Variants in MYBPC3 observed in about 807,000 individuals in gnomAD.
MYBPC3 encodes myosin-binding protein C, cardiac-type.
MYBPC3 carries 108 observed loss-of-function variants against 159.3 expected under a neutral mutation model. The observed-to-expected ratio is 0.68, with a 90% CI of 0.58 to 0.80. The LOEUF (loss-of-function observed/expected upper bound fraction) is 0.80. Among genes scored for constraint, MYBPC3 ranks in the 30% least tolerant of loss-of-function variants. MYBPC3 has a pLI of 0.00. For synonymous variants in MYBPC3, 730 were observed against 702.0 expected (o/e 1.04, Z -0.63); for missense variants, 1,631 against 1,762.1 (o/e 0.93, Z 1.33).
At chr11:47,347,147 C>G in intron 9 of MYBPC3, 118 bp from the exon 10 acceptor site, 1 of 1,413,172 alleles carries the variant, frequency 7.1e-7, no homozygotes, top group Non-Finnish European at 9.4e-7. Context: ...GGGACCCTCT[C>G]TCTGTTCCTT....
chr11:47,336,862 G>T (rs568021422), intron 25 of MYBPC3, among the ~76,000 whole-genome samples: 1 of 152,184 alleles, frequency 6.6e-6, no homozygotes, highest in Non-Finnish European at 1.5e-5. Context: ...TTGGCCCCCC[G>T]GGGACCATGG....
At position 47,331,689 on chromosome 11, in the gene MYBPC3, C is replaced by T; in HGVS notation, c.*54G>A. 1.3e-6 allele frequency: 1 copy of T among 774,798 alleles called. No homozygotes were observed. The highest frequency in any genetic ancestry group is 1.9e-5 in the South Asian group (1 of 52,432). 48.0% of individuals were successfully genotyped at this position (774,798 alleles called of 1,614,324 possible). ...GTTTCCCCAACTTCCCTCCAGGCTC[C>T]TGGCACGGGGCTGGCATCCGGTTGT... On this transcript the variant is annotated 3_prime_UTR_variant, in exon 35 of 35. Transcript: ENST00000545968.
intron 18 of MYBPC3, among the ~76,000 whole-genome samples, chr11:47,341,688 C>T (rs530636348): frequency 2.0e-4 from 30 of 152,326 alleles, no homozygotes; most frequent in African/African-American, 6.5e-4. Context: ...GTGTCTCTCC[C>T]TGCTGCCTCT....
At chr11:47,335,236 C>A in intron 26 of MYBPC3, 27 bp from the exon 27 acceptor site, 2 of 1,556,938 alleles carry the variant, frequency 1.3e-6, no homozygotes, top group Admixed American at 1.8e-5. Context: ...GGAGGCAAGG[C>A]CACAGGCTGT....
Position 47,332,024 on chromosome 11 carries a change from C to T in MYBPC3, c.3814+48G>A, listed in dbSNP as rs748417652. ...GGAGCAAAGCCCAGGGTCCCCACTGCCGCCCGCTCTTCCCATCTCCCAGGC... is the reference window on the plus strand; with the variant it reads ...GGAGCAAAGCCCAGGGTCCCCACTGTCGCCCGCTCTTCCCATCTCCCAGGC... On this transcript the variant is annotated intron_variant, in intron 33 of 34. Coordinates refer to ENST00000545968, the MANE Select transcript of MYBPC3 (RefSeq NM_000256.3). The surrounding 1 kb of genome is among the most constrained non-coding windows in gnomAD (Gnocchi z 4.2). 11 of 1,598,996 alleles carry T rather than the reference C, an allele frequency of 6.9e-6. No individual in the cohort carries two copies. The highest frequency in any genetic ancestry group is 8.5e-6 in the Non-Finnish European group (10 of 1,171,762).
At position 47,345,205 on chromosome 11, in the gene MYBPC3, G is replaced by C. The variant is rs2095892955; in HGVS notation, c.1090+1002C>G. ...CCTCCTTGGGCACCTACAGTCCTTTGCTTGGTGCCCTCTGGGCTCAGCAGT... is the reference window on the plus strand; with the variant it reads ...CCTCCTTGGGCACCTACAGTCCTTTCCTTGGTGCCCTCTGGGCTCAGCAGT... On this transcript the variant is annotated intron_variant, in intron 12 of 34. Transcript: ENST00000545968. Among the ~76,000 whole-genome samples the C allele has an allele frequency of 1.3e-5, 2 of 152,200 alleles. 1 individual carries two copies. Among genetic ancestry groups the C allele is most frequent in the South Asian group, 4.1e-4 (2 of 4,826 alleles).
At chr11:47,339,052 G>GGTCAAA (rs1392623579) in intron 22 of MYBPC3, among the ~76,000 whole-genome samples, 3 of 152,208 alleles carry the variant, frequency 2.0e-5, no homozygotes, top group Non-Finnish European at 2.9e-5. Context: ...TCAAGGTCAA[G>GGTCAAA]GTCAGCTTAG....
At chr11:47,342,551 C>T in intron 17 of MYBPC3, 27 bp downstream of exon 17, 3 of 1,544,298 alleles carry the variant, frequency 1.9e-6, no homozygotes, top group East Asian at 4.6e-5. Context: ...GCCCTAAAGC[C>T]TCATGTGCCC....
Position 47,347,684 on chromosome 11 carries a change from T to A in MYBPC3, c.822-4A>T. 1.3e-6 allele frequency: 2 copies of A among 1,571,144 alleles called. No homozygotes were observed. Among genetic ancestry groups the A allele is most frequent in the Non-Finnish European group, 1.7e-6 (2 of 1,158,416 alleles). ...CCGACCACCTCCAGCCAGGCTCCTG[T>A]GGGGGTTAGACTCAGTATCCTCACC... On this transcript the variant is annotated splice_polypyrimidine_tract_variant and splice_region_variant and intron_variant, in intron 7 of 34. Coordinates refer to ENST00000545968, the MANE Select transcript of MYBPC3 (RefSeq NM_000256.3).
chr11:47,347,789 A>AG, intron 7 of MYBPC3, 68 bp downstream of exon 7: 1 of 1,546,924 alleles, frequency 6.5e-7, no homozygotes, highest in Non-Finnish European at 8.7e-7. Context: ...CCTGACCCCC[A>AG]GTCGAGACCC....
chr11:47,333,900 C>G (rs1391084781), intron 28 of MYBPC3, 22 bp downstream of exon 28: 1 of 1,561,454 alleles, frequency 6.4e-7, no homozygotes, highest in Non-Finnish European at 8.7e-7. Context: ...CCCTGGGGGA[C>G]AGGGAAGGGG....
In MYBPC3 at chr11:47,338,793, G is replaced by T; in HGVS notation, c.2149-114C>A. The T allele has an allele frequency of 8.0e-7, 1 of 1,252,946 alleles. No homozygotes were observed. Among genetic ancestry groups the T allele is most frequent in the Non-Finnish European group, 1.1e-6 (1 of 925,868 alleles). The allele number at this position is 1,252,946 out of a possible 1,614,324, so 77.6% of individuals were successfully genotyped here. A position where few individuals can be genotyped will look rare whatever the true frequency, so the allele number is the denominator to read the frequency against. On this transcript the variant is annotated intron_variant, in intron 22 of 34. Coordinates refer to ENST00000545968, the MANE Select transcript of MYBPC3 (RefSeq NM_000256.3). This position sits in a 1 kb window ranked among gnomAD's most constrained non-coding sequence, Gnocchi z 4.7. ...ATGGGGGGAACACAGCCTGTGGGAA[G>T]ACTGCATCCACGTCAGCATCTAGTT...
rs727504418 is a variant in MYBPC3 at position 47,335,943 on chromosome 11, G to T, written c.2671C>A (p.Arg891=). ...CCTGCTCCCACGCGCTCTGGGGGCC[G>T]CCACTTGAGGGAGACCGTGGTGTCA... ...VSDTTVSLKW[R]PPERVGAGGL... Residue 891 remains arginine (R), a synonymous_variant, in exon 26 of 35, where the codon CGG becomes AGG. Transcript: ENST00000545968. 6.4e-7 allele frequency: 1 copy of T among 1,564,260 alleles called. No homozygotes were observed. The highest frequency in any genetic ancestry group is 8.7e-7 in the Non-Finnish European group (1 of 1,155,626).
Position 47,331,657 on chromosome 11 carries a change from G to A in MYBPC3, c.*86C>T. The A allele has an allele frequency of 1.6e-6, 1 of 609,222 alleles. No homozygotes were observed. Among genetic ancestry groups the A allele is most frequent in the Non-Finnish European group, 2.9e-6 (1 of 349,108 alleles). 37.7% of individuals were successfully genotyped at this position (609,222 alleles called of 1,614,324 possible). On this transcript the variant is annotated 3_prime_UTR_variant, in exon 35 of 35. Transcript: ENST00000545968. ...CTTGTCACACATACATCCAACAGTA[G>A]GGAGGGGTTTCCCCAACTTCCCTCC...
In MYBPC3 at chr11:47,339,368, G is replaced by A. The variant is rs2142857317; in HGVS notation, c.2104C>T (p.Pro702Ser). The A allele has an allele frequency of 6.2e-7, 1 of 1,614,010 alleles. No individual in the cohort carries two copies. Among genetic ancestry groups the A allele is most frequent in the Non-Finnish European group, 8.5e-7 (1 of 1,179,886 alleles). The change falls in exon 22 of 35, where the codon CCA (proline) becomes TCA (serine). Residue 702 changes from proline to serine, a missense_variant. Coordinates refer to ENST00000545968, the MANE Select transcript of MYBPC3 (RefSeq NM_000256.3). ...TCATCGCTGTCACCTGTGTCCTCTGGGGCATCTGGGGCTGGCCTGGCTGGG... is the reference window on the plus strand; with the variant it reads ...TCATCGCTGTCACCTGTGTCCTCTGAGGCATCTGGGGCTGGCCTGGCTGGG... Reference protein sequence around the residue: ...KAPARPAPDAPEDTGDSDEWV... With the variant: ...KAPARPAPDASEDTGDSDEWV...
Position 47,332,106 on chromosome 11 carries a change from G to A in MYBPC3, c.3780C>T (p.Gly1260=), listed in dbSNP as rs779312310. Residue 1260 remains glycine, a synonymous_variant, in exon 33 of 35, where the codon GGC becomes GGT. Coordinates refer to ENST00000545968, the MANE Select transcript of MYBPC3 (RefSeq NM_000256.3). The surrounding 1 kb of genome is among the most constrained non-coding windows in gnomAD (Gnocchi z 4.2). ...IYVCRATNLQ[G]EARCECRLEV... Reference sequence around the variant, plus strand: ...CCAGGCGGCACTCACACCGTGCCTCGCCCTGTAAGTTGGTGGCCCTGCAGA... The same window carrying A: ...CCAGGCGGCACTCACACCGTGCCTCACCCTGTAAGTTGGTGGCCCTGCAGA... 9.3e-6 allele frequency: 15 copies of A among 1,613,142 alleles called. No individual in the cohort carries two copies. The highest frequency in any genetic ancestry group is 1.7e-5 in the Admixed American group (1 of 59,986).
Position 47,332,545 on chromosome 11 carries a change from C to T in MYBPC3, c.3627+21G>A. 6.3e-7 allele frequency: 1 copy of T among 1,598,854 alleles called. No individual in the cohort carries two copies. Among genetic ancestry groups the T allele is most frequent in the Non-Finnish European group, 8.6e-7 (1 of 1,169,484 alleles). On this transcript the variant is annotated intron_variant, in intron 32 of 34. Coordinates refer to ENST00000545968, the MANE Select transcript of MYBPC3 (RefSeq NM_000256.3). This position sits in a 1 kb window ranked among gnomAD's most constrained non-coding sequence, Gnocchi z 4.2. ...AGCCCTGCCTCCTGGTCGGCCTGGA[C>T]CAGCGCCTAAAGTTCCCTACCTTGG... is the stretch of plus-strand genomic sequence containing the variant.
At chr11:47,339,889 GT>G in intron 20 of MYBPC3, 99 bp from the exon 21 acceptor site, 1 of 1,357,782 alleles carries the variant, frequency 7.4e-7, no homozygotes, top group Non-Finnish European at 1.0e-6. Context: ...CTGGTTATTG[GT>G]TTTTTAGATT....
At chr11:47,343,769 T>A in intron 12 of MYBPC3, 145 bp from the exon 13 acceptor site, 2 of 837,362 alleles carry the variant, frequency 2.4e-6, no homozygotes, top group Non-Finnish European at 3.5e-6. Flanking sequence ...TGTCTCTATT[T>A]CTTTTTGTTT....
Sources: gnomAD v4.1 joint callset for allele counts (sites outside exome capture counted in the v4.1 genomes callset) on GRCh38, gnomAD v4.1.1 for gene constraint, Gnocchi (gnomAD v3.1) non-coding constraint, MANE v1.5 for transcripts, NCBI Gene and HGNC (gene_info 2026-07-23, HGNC 2026-07-21) for gene names.